PRKG1: variants seen among roughly 807,000 people sequenced by gnomAD.
PRKG1 encodes the protein cGMP-dependent protein kinase 1.
A neutral mutation model predicts 88.1 loss-of-function variants in PRKG1; 35 were observed. The ratio of observed to expected loss-of-function variants is 0.40; its 90% CI spans 0.30 to 0.53. PRKG1 has a LOEUF of 0.53. PRKG1 is among the 20% of genes least tolerant of loss of function. The pLI is 0.59. For synonymous variants in PRKG1, 303 were observed against 292.5 expected, an observed-to-expected ratio of 1.04 and a Z score of -0.37; for missense variants, 540 against 839.8, an observed-to-expected ratio of 0.64 and a Z score of 4.41.
chr10:51,286,995 A>C, intron 2 of PRKG1, among the ~76,000 whole-genome samples: 1 of 152,084 alleles, frequency 6.6e-6, no homozygotes, highest in East Asian at 1.9e-4. Flanking sequence ...CTCCCACCTC[A>C]GCCTCCCAAG....
chr10:51,368,274 C>T (rs181188162), intron 2 of PRKG1, among the ~76,000 whole-genome samples: 389 of 152,072 alleles, frequency 2.6e-3, no homozygotes, highest in Non-Finnish European at 4.5e-3. Context: ...ACTTCATGAT[C>T]GAAACATATT....
rs1837995563 is a variant in PRKG1, at chr10:52,153,386, G to A, written c.1002-8503G>A. Among the ~76,000 whole-genome samples, 3 of 152,122 alleles carry A rather than the reference G, an allele frequency of 2.0e-5. No homozygotes were observed. The South Asian group carries it at 6.2e-4, about 31-fold the overall frequency. On this transcript the variant is annotated intron_variant, in intron 8 of 17. Transcript: ENST00000373980. ...TGAAAGCATGTGTACAAGTAATAAG[G>A]AAGATAATGGCTATTATACTTGTCT...
chr10:51,681,569 T>C (rs117358809), intron 3 of PRKG1, among the ~76,000 whole-genome samples: 1 of 152,320 alleles, frequency 6.6e-6, no homozygotes, highest in Non-Finnish European at 1.5e-5. Flanking sequence ...ATCTCTAACA[T>C]TGGATTTTGA....
chr10:51,101,239 T>C (rs1233696529), intron 1 of PRKG1, among the ~76,000 whole-genome samples: 1 of 152,144 alleles, frequency 6.6e-6, no homozygotes, highest in Non-Finnish European at 1.5e-5. Context: ...AGTGTCCTTA[T>C]CATAGAAAGA....
intron 3 of PRKG1, among the ~76,000 whole-genome samples, chr10:51,535,952 A>T (rs560436018): frequency 6.6e-6 from 1 of 152,070 alleles, no homozygotes; most frequent in South Asian, 2.1e-4. Flanking sequence ...TGACCTCCTG[A>T]CCTCAGGTGA....
At chr10:51,489,875 C>T (rs1193374324) in intron 3 of PRKG1, among the ~76,000 whole-genome samples, 1 of 152,102 alleles carries the variant, frequency 6.6e-6, no homozygotes, top group African/African-American at 2.4e-5. Flanking sequence ...TAGTCATTTT[C>T]AGATTATTAA....
At chr10:51,602,770 GTGTGTGTGTGTATA>G (rs1378487134) in intron 3 of PRKG1, among the ~76,000 whole-genome samples, 53 of 122,244 alleles carry the variant, frequency 4.3e-4, no homozygotes, top group Admixed American at 2.1e-3. Flanking sequence ...GTGTGTGTGT[GTGTGTGTGTGTATA>G]TATTCATATA....
intron 7 of PRKG1, 38 bp downstream of exon 7, chr10:52,062,669 T>G (rs1168893164): frequency 6.7e-7 from 1 of 1,483,460 alleles, no homozygotes; most frequent in Non-Finnish European, 9.3e-7. Context: ...TTTGTTTGAG[T>G]GCTACATAAA....
At chr10:52,239,521 T>TAAAAAA in intron 9 of PRKG1, among the ~76,000 whole-genome samples, 29 of 56,736 alleles carry the variant, frequency 5.1e-4, no homozygotes, top group East Asian at 1.2e-3. Flanking sequence ...TTCTACAGTG[T>TAAAAAA]AAAAAAAAAA....
chr10:52,070,052 A>G (rs961300220), intron 7 of PRKG1, among the ~76,000 whole-genome samples: 3 of 152,164 alleles, frequency 2.0e-5, no homozygotes, highest in Non-Finnish European at 2.9e-5. Flanking sequence ...TAAACTCCAA[A>G]TTAATTACTC....
At chr10:52,193,315 C>T (rs994565463) in intron 9 of PRKG1, among the ~76,000 whole-genome samples, 4 of 152,028 alleles carry the variant, frequency 2.6e-5, no homozygotes, top group East Asian at 1.9e-4. Context: ...GAAGCAGAGA[C>T]GGGTGGATCA....
rs190144281 is a variant in PRKG1, at chr10:51,919,466, T to C, written c.762+11896T>C. Among the ~76,000 whole-genome samples the C allele has an allele frequency of 5.3e-5, 8 of 152,272 alleles. No homozygotes were observed. In the East Asian group the frequency reaches 1.2e-3, roughly 22 times the overall value. On this transcript the variant is annotated intron_variant, in intron 5 of 17. Transcript: ENST00000373980. Reference sequence around the variant, plus strand: ...TTTTTTATTACTTACACCTAAAAATTATTATTTTAATAAACGTAACATGAT... The same window carrying C: ...TTTTTTATTACTTACACCTAAAAATCATTATTTTAATAAACGTAACATGAT...
chr10:51,077,088 G>A (rs576931734), intron 1 of PRKG1, among the ~76,000 whole-genome samples: 1 of 152,098 alleles, frequency 6.6e-6, no homozygotes, highest in African/African-American at 2.4e-5. Flanking sequence ...CTTTCTTAGG[G>A]AAAAAAGAAG....
At chr10:51,497,345 C>T (rs990559311) in intron 3 of PRKG1, among the ~76,000 whole-genome samples, 1 of 152,098 alleles carries the variant, frequency 6.6e-6, no homozygotes, top group Non-Finnish European at 1.5e-5. Context: ...TTGATAAACA[C>T]TAATTGAGCA....
At chr10:51,007,456 A>G (rs1842952818) in intron 1 of PRKG1, among the ~76,000 whole-genome samples, 1 of 152,208 alleles carries the variant, frequency 6.6e-6, no homozygotes, top group Non-Finnish European at 1.5e-5. Context: ...CAGGGATTAC[A>G]TTGTAAGATG....
chr10:51,664,754 T>A (rs1840382427), intron 3 of PRKG1, among the ~76,000 whole-genome samples: 1 of 152,186 alleles, frequency 6.6e-6, no homozygotes, highest in Non-Finnish European at 1.5e-5. Flanking sequence ...ATCCTGACTC[T>A]ACAATTACTT....
In PRKG1 at chr10:51,796,837, C is replaced by A. The variant is rs77882551; in HGVS notation, c.593-7748C>A. Among the ~76,000 whole-genome samples, 1,166 of 152,164 alleles carry A rather than the reference C, an allele frequency of 7.7e-3. 14 individuals carry two copies. The highest frequency in any genetic ancestry group is 0.021 in the African/African-American group (869 of 41,550). ...AGTACAGGAAAGGCAAATTTGATTTCTCTTCTTGACCTCCATAACTGCATA... is the reference window on the plus strand; with the variant it reads ...AGTACAGGAAAGGCAAATTTGATTTATCTTCTTGACCTCCATAACTGCATA... On this transcript the variant is annotated intron_variant, in intron 3 of 17. Transcript: ENST00000373980.
In PRKG1 at chr10:51,036,256, C is replaced by A. The variant is rs529221557; in HGVS notation, c.266+44612C>A. Among the ~76,000 whole-genome samples the A allele has an allele frequency of 2.0e-5, 3 of 152,214 alleles. No homozygotes were observed. In the South Asian group the frequency reaches 6.2e-4, roughly 32 times the overall value. On this transcript the variant is annotated intron_variant, in intron 1 of 17. Coordinates refer to the PRKG1 transcript ENST00000401604. Reference sequence around the variant, plus strand: ...AAAAAAGAGACCCTATGTATTTTTACCATTTCAATCTTAGTTTGAAGTATA... The same window carrying A: ...AAAAAAGAGACCCTATGTATTTTTAACATTTCAATCTTAGTTTGAAGTATA...
chr10:50,999,136 C>T (rs1842862462), intron 1 of PRKG1, among the ~76,000 whole-genome samples: 1 of 152,176 alleles, frequency 6.6e-6, no homozygotes, highest in Admixed American at 6.5e-5. Flanking sequence ...TTTTAAAACA[C>T]TGTAATTTTT....
Sources: gnomAD v4.1 joint callset for allele counts (sites outside exome capture counted in the v4.1 genomes callset) on GRCh38, gnomAD v4.1.1 for gene constraint, MANE v1.5 for transcripts, NCBI Gene and HGNC (gene_info 2026-07-23, HGNC 2026-07-21) for gene names.